The following DLG2 variants were observed in gnomAD, a reference collection of about 807,000 sequenced individuals.
DLG2 encodes disks large homolog 2.
DLG2 carries 45 observed loss-of-function variants against 132.5 expected under a neutral mutation model. That is an observed-to-expected ratio of 0.34 (90% CI 0.27 to 0.44). The LOEUF (loss-of-function observed/expected upper bound fraction) is 0.44. Ranked by LOEUF, DLG2 falls within the 20% of genes least tolerant of loss-of-function variation. The probability of loss-of-function intolerance (pLI) is 1.00; values close to 1 mark genes in which losing one functional copy is unlikely to be tolerated. For missense variants in DLG2, 1,045 were observed against 1,196.9 expected, an observed-to-expected ratio of 0.87 and a Z score of 1.87; for synonymous variants, 424 against 419.6, an observed-to-expected ratio of 1.01 and a Z score of -0.13.
chr11:84,467,927 C>A (rs1192959243), intron 7 of DLG2, among the ~76,000 whole-genome samples: 1 of 151,454 alleles, frequency 6.6e-6, no homozygotes, highest in African/African-American at 2.4e-5. Context: ...ACATATTTGG[C>A]ATACTGCTAA....
intron 7 of DLG2, among the ~76,000 whole-genome samples, chr11:84,510,295 C>T (rs2099253762): frequency 6.6e-6 from 1 of 151,796 alleles, no homozygotes; most frequent in South Asian, 2.1e-4. Flanking sequence ...ATTTTTATTC[C>T]TAACATATGT....
chr11:83,469,141 A>T (rs2091640457), intron 25 of DLG2, 60 bp downstream of exon 25: 1 of 1,341,378 alleles, frequency 7.5e-7, no homozygotes, highest in Non-Finnish European at 1.0e-6. Flanking sequence ...AAAAAAAAAA[A>T]TGCAGTTTGC....
chr11:84,134,710 G>GTGTA (rs1015766072), intron 9 of DLG2, among the ~76,000 whole-genome samples: 2 of 151,830 alleles, frequency 1.3e-5, no homozygotes, highest in East Asian at 3.9e-4. Context: ...GTGTGTGTGT[G>GTGTA]TGTGTGTCTG....
At chr11:85,274,356 G>C (rs2449987) in intron 4 of DLG2, among the ~76,000 whole-genome samples, 120,291 of 152,076 alleles carry the variant, frequency 0.79, 48,368 homozygotes, top group Non-Finnish European at 0.88. Flanking sequence ...AAATAAACTA[G>C]TCTCAACAAC....
In DLG2 at chr11:84,230,910, A is replaced by G. The variant is rs142122172; in HGVS notation, c.573+20328T>C. Among the ~76,000 whole-genome samples, 15 of 152,334 alleles carry G rather than the reference A, an allele frequency of 9.8e-5. 1 individual carries two copies. Among genetic ancestry groups the G allele is most frequent in the African/African-American group, 3.6e-4 (15 of 41,590 alleles). On this transcript the variant is annotated intron_variant, in intron 8 of 27. Coordinates refer to ENST00000376104, the MANE Select transcript of DLG2 (RefSeq NM_001142699.3). ...GAAATACAAGAACTTGAAGAATAAA[A>G]AGAATAAACTTCTTCATGAAGGATA...
At chr11:83,879,288 T>C (rs992459025) in intron 15 of DLG2, among the ~76,000 whole-genome samples, 2 of 152,208 alleles carry the variant, frequency 1.3e-5, no homozygotes, top group Admixed American at 1.3e-4. Context: ...GTTTTTTGTG[T>C]ACTTTATTAA....
At chr11:84,658,056 A>G (rs897891319) in intron 6 of DLG2, among the ~76,000 whole-genome samples, 2 of 152,176 alleles carry the variant, frequency 1.3e-5, no homozygotes, top group Non-Finnish European at 2.9e-5. Flanking sequence ...TGTGCTGTGT[A>G]GGAACAATTC....
At chr11:85,401,550 T>A (rs1281531411) in intron 3 of DLG2, among the ~76,000 whole-genome samples, 1 of 152,178 alleles carries the variant, frequency 6.6e-6, no homozygotes, top group African/African-American at 2.4e-5. Flanking sequence ...AGTCAAATTG[T>A]CTCTGTTTGC....
intron 16 of DLG2, among the ~76,000 whole-genome samples, chr11:83,853,407 C>T (rs2060067746): frequency 4.6e-5 from 7 of 152,244 alleles, no homozygotes; most frequent in African/African-American, 1.7e-4. Flanking sequence ...ATCCATTTAA[C>T]AAGTATCTGT....
chr11:85,516,329 A>T (rs1411701819), intron 3 of DLG2, among the ~76,000 whole-genome samples: 1 of 152,048 alleles, frequency 6.6e-6, no homozygotes, highest in Non-Finnish European at 1.5e-5. Flanking sequence ...CAATAAATTT[A>T]TACATCCAAA....
chr11:83,520,387 A>G (rs1012969905), intron 21 of DLG2, among the ~76,000 whole-genome samples: 1 of 152,208 alleles, frequency 6.6e-6, no homozygotes, highest in African/African-American at 2.4e-5. Flanking sequence ...ATGTATACCA[A>G]TAGCCCTGGA....
At chr11:84,229,240 C>T (rs75591721) in intron 8 of DLG2, among the ~76,000 whole-genome samples, 7,329 of 152,044 alleles carry the variant, frequency 0.048, 267 homozygotes, top group Non-Finnish European at 0.076. Flanking sequence ...TAAAAAAGAG[C>T]GAACACAGAG....
intron 4 of DLG2, among the ~76,000 whole-genome samples, chr11:85,172,184 G>A (rs1028762676): frequency 5.9e-5 from 9 of 152,186 alleles, no homozygotes; most frequent in East Asian, 1.9e-4. Context: ...GTCTCCAGAC[G>A]CCTCCTACAG....
chr11:85,531,061 TAGA>T (rs2075173699), intron 3 of DLG2, among the ~76,000 whole-genome samples: 1 of 152,200 alleles, frequency 6.6e-6, no homozygotes, highest in African/African-American at 2.4e-5. Context: ...TAAATGAAAA[TAGA>T]AGAAACTCTT....
chr11:83,684,148 A>G (rs376500870), intron 18 of DLG2, among the ~76,000 whole-genome samples: 39 of 152,172 alleles, frequency 2.6e-4, no homozygotes, highest in African/African-American at 9.4e-4. Flanking sequence ...GAAGACAGGT[A>G]TCTCTGTCTT....
At chr11:85,440,088 A>G (rs1256623223) in intron 3 of DLG2, among the ~76,000 whole-genome samples, 1 of 152,236 alleles carries the variant, frequency 6.6e-6, no homozygotes, top group Non-Finnish European at 1.5e-5. Flanking sequence ...TAAAATTATA[A>G]TATGACTAAT....
At chr11:83,571,323 A>G (rs2096792415) in intron 19 of DLG2, among the ~76,000 whole-genome samples, 1 of 146,138 alleles carries the variant, frequency 6.8e-6, no homozygotes, top group African/African-American at 2.6e-5. Flanking sequence ...TAATATATTA[A>G]GAACACTGGA....
At chr11:84,489,523 C>T (rs571740291) in intron 7 of DLG2, among the ~76,000 whole-genome samples, 2 of 152,216 alleles carry the variant, frequency 1.3e-5, no homozygotes, top group East Asian at 1.9e-4. Context: ...AGGTTATACC[C>T]TTCCCATTGA....
At chr11:83,842,528 A>C (rs1433700418) in intron 16 of DLG2, among the ~76,000 whole-genome samples, 2 of 128,968 alleles carry the variant, frequency 1.6e-5, no homozygotes, top group African/African-American at 2.7e-5. Flanking sequence ...TGTCTCAAAA[A>C]AAAAAAAAAA....
Sources: allele counts gnomAD v4.1 joint callset (sites outside exome capture counted in the v4.1 genomes callset), GRCh38; gene constraint gnomAD v4.1.1; transcripts MANE v1.5; gene names NCBI Gene and HGNC (gene_info 2026-07-23, HGNC 2026-07-21).